The following TNNC2 variants were observed in gnomAD, a reference collection of about 807,000 sequenced individuals.
The protein encoded by TNNC2 is troponin C, skeletal muscle.
A neutral mutation model predicts 20.0 loss-of-function variants in TNNC2; 14 were observed. That is an observed-to-expected ratio of 0.70 (90% CI 0.46 to 1.09). The LOEUF (loss-of-function observed/expected upper bound fraction) is 1.09, where lower values mean the gene tolerates loss of function less well. TNNC2 is among the 50% of genes least tolerant of loss of function. The pLI is 0.00. For synonymous variants in TNNC2, 81 were observed against 77.3 expected (o/e 1.05, Z -0.25); for missense variants, 163 against 223.8 (o/e 0.73, Z 1.73).
upstream of TNNC2, among the ~76,000 whole-genome samples, chr20:45,830,320 A>G (rs1983077748): frequency 6.8e-6 from 1 of 147,544 alleles, no homozygotes; most frequent in Admixed American, 6.7e-5. Flanking sequence ...TGGGCGACAA[A>G]AGGAGACTGC....
At position 45,823,304 on chromosome 20, in the gene TNNC2, C is replaced by A. The variant is rs188125171; in HGVS notation, c.*44G>T. Reference sequence around the variant, plus strand: ...GGACCCGGCAGGGCGGAGTCTCCCACACCCTAGGGACACGCGATCTTGGTA... The same window carrying A: ...GGACCCGGCAGGGCGGAGTCTCCCAAACCCTAGGGACACGCGATCTTGGTA... On this transcript the variant is annotated 3_prime_UTR_variant, in exon 6 of 6. Coordinates refer to ENST00000372555, the MANE Select transcript of TNNC2 (RefSeq NM_003279.3). The surrounding 1 kb of genome is among the most constrained non-coding windows in gnomAD (Gnocchi z 4.6). The A allele has an allele frequency of 6.5e-7, 1 of 1,546,398 alleles. No homozygotes were observed. The highest frequency in any genetic ancestry group is 8.7e-7 in the Non-Finnish European group (1 of 1,144,098).
intron 1 of TNNC2, among the ~76,000 whole-genome samples, chr20:45,827,003 T>C (rs750343315): frequency 6.6e-5 from 10 of 152,228 alleles, no homozygotes; most frequent in African/African-American, 1.2e-4. Flanking sequence ...TGAATGACAC[T>C]GCTGGAAGTT....
chr20:45,824,343 G>T lies in TNNC2; in HGVS notation c.263C>A (p.Ala88Glu), dbSNP rs764481639. The stretch of plus-strand genomic sequence containing the variant: ...CAGCTCCTCCTCGCTCTTCCCTTTC[G>T]CGTCCTCTTTCATCTGGCGCACCAT... Reference protein sequence around the residue: ...VMMVRQMKEDAKGKSEEELAE... With the variant: ...VMMVRQMKEDEKGKSEEELAE... Residue 88 changes from alanine (A) to glutamate (E), a missense_variant, in exon 4 of 6, where the codon GCG (alanine) becomes GAG (glutamate). By Grantham distance (107) the Ala-to-Glu change is moderately radical (BLOSUM62 -1). Coordinates refer to ENST00000372555, the MANE Select transcript of TNNC2 (RefSeq NM_003279.3). 2 of 1,611,034 alleles carry T rather than the reference G, an allele frequency of 1.2e-6. No homozygotes were observed. Among genetic ancestry groups the T allele is most frequent in the Non-Finnish European group, 1.7e-6 (2 of 1,179,972 alleles).
rs749098799 is a variant in TNNC2, at chr20:45,824,511, C to A, written c.183G>T (p.Glu61Asp). The change falls in exon 3 of 6, where the codon GAG becomes GAT. Residue 61 changes from glutamate to aspartate, a missense_variant. Transcript: ENST00000372555. The part of the protein sequence containing the change: ...PTKEELDAII[E>D]EVDEDGSGTI... ...CCCGCTCACCGTCCTCATCCACCTC[C>A]TCGATGATGGCGTCCAGCTCCTCCT... is the stretch of plus-strand genomic sequence containing the variant. 6 of 1,613,748 alleles carry A rather than the reference C, an allele frequency of 3.7e-6. No individual in the cohort carries two copies. The highest frequency in any genetic ancestry group is 1.7e-5 in the Admixed American group (1 of 60,030).
upstream of TNNC2, among the ~76,000 whole-genome samples, chr20:45,827,787 G>C (rs1022264983): frequency 6.6e-6 from 1 of 152,146 alleles, no homozygotes; most frequent in Non-Finnish European, 1.5e-5. Flanking sequence ...CCCTCACAGA[G>C]AGACCATGGT....
chr20:45,830,590 C>A (rs1314885093), upstream of TNNC2, among the ~76,000 whole-genome samples: 1 of 152,220 alleles, frequency 6.6e-6, no homozygotes, highest in Admixed American at 6.5e-5. Flanking sequence ...ATGCTCACAA[C>A]CCATTCTATG....
upstream of TNNC2, among the ~76,000 whole-genome samples, chr20:45,827,633 T>C (rs577263821): frequency 1.3e-5 from 2 of 152,158 alleles, no homozygotes; most frequent in South Asian, 4.2e-4. Flanking sequence ...TGAGGCAGCA[T>C]GGTAAAATGG....
At chr20:45,828,121 T>C (rs1983019221), upstream of TNNC2, among the ~76,000 whole-genome samples, 1 of 152,018 alleles carries the variant, frequency 6.6e-6, no homozygotes, top group East Asian at 1.9e-4. Context: ...CTGCAGCCTC[T>C]ATCTCCTGGG....
Position 45,824,508 on chromosome 20 carries a change from C to T in TNNC2, c.186G>A (p.Glu62=). The T allele has an allele frequency of 6.2e-7, 1 of 1,613,720 alleles. No homozygotes were observed. The highest frequency in any genetic ancestry group is 8.5e-7 in the Non-Finnish European group (1 of 1,180,022). The change falls in exon 3 of 6, where the codon GAG becomes GAA. Residue 62 remains glutamate, a synonymous_variant. Transcript: ENST00000372555. ...ACACCCGCTCACCGTCCTCATCCAC[C>T]TCCTCGATGATGGCGTCCAGCTCCT... The part of the protein sequence containing the change: ...TKEELDAIIE[E]VDEDGSGTID...
In TNNC2 at chr20:45,824,114, A is replaced by C. The variant is rs745359680; in HGVS notation, c.328T>G (p.Tyr110Asp). The change falls in exon 5 of 6, where the codon TAC (tyrosine) becomes GAC (aspartate). Residue 110 changes from tyrosine (Y) to aspartate (D), a missense_variant. Tyr to Asp is a radical substitution (Grantham distance 160). Coordinates refer to ENST00000372555, the MANE Select transcript of TNNC2 (RefSeq NM_003279.3). ...FRIFDRNADG[Y>D]IDPEELAEIF... is the part of the protein sequence containing the mutation. ...TCAGCCAGCTCCTCCGGGTCGATGTAGCCGTCTGCATTCCTTCAGGTCCGA... is the reference window on the plus strand; with the variant it reads ...TCAGCCAGCTCCTCCGGGTCGATGTCGCCGTCTGCATTCCTTCAGGTCCGA... 1.2e-6 allele frequency: 2 copies of C among 1,613,726 alleles called. No individual in the cohort carries two copies. Among genetic ancestry groups the C allele is most frequent in the Admixed American group, 3.3e-5 (2 of 60,004 alleles).
Position 45,823,818 on chromosome 20 carries a change from G to T in TNNC2, c.451+173C>A, listed in dbSNP as rs955116956. On this transcript the variant is annotated intron_variant, in intron 5 of 5. Transcript: ENST00000372555. This position sits in a 1 kb window ranked among gnomAD's most constrained non-coding sequence, Gnocchi z 4.6. ...CTGCCTGGTCATTAATTGATAAACT[G>T]CACAGAGTCGTGGAGCGCTTCTATA... Among the ~76,000 whole-genome samples, 15 of 152,004 alleles carry T rather than the reference G, an allele frequency of 9.9e-5. No homozygotes were observed. The highest frequency in any genetic ancestry group is 3.4e-4 in the African/African-American group (14 of 41,354).
chr20:45,827,240 C>T lies in TNNC2; in HGVS notation c.3+6G>A. ...GTAAAGGCACAAAGTCCCCTCTTGT[C>T]CTTACCATGGTTGCTGGTGACCGGG... is the stretch of plus-strand genomic sequence containing the variant. On this transcript the variant is annotated splice_donor_region_variant and intron_variant, in intron 1 of 5. Coordinates refer to ENST00000372555, the MANE Select transcript of TNNC2 (RefSeq NM_003279.3). 2.5e-6 allele frequency: 4 copies of T among 1,614,162 alleles called. No individual in the cohort carries two copies. The highest frequency in any genetic ancestry group is 1.3e-5 in the African/African-American group (1 of 75,048).
In TNNC2 at chr20:45,823,827, C is replaced by T. The variant is rs944529682; in HGVS notation, c.451+164G>A. Among the ~76,000 whole-genome samples the T allele has an allele frequency of 6.6e-6, 1 of 152,050 alleles. No individual in the cohort carries two copies. Among genetic ancestry groups the T allele is most frequent in the South Asian group, 2.1e-4 (1 of 4,816 alleles). ...CATTAATTGATAAACTGCACAGAGTCGTGGAGCGCTTCTATACCTGCCCCC... is the reference window on the plus strand; with the variant it reads ...CATTAATTGATAAACTGCACAGAGTTGTGGAGCGCTTCTATACCTGCCCCC... On this transcript the variant is annotated intron_variant, in intron 5 of 5. Coordinates refer to ENST00000372555, the MANE Select transcript of TNNC2 (RefSeq NM_003279.3). The surrounding 1 kb of genome is among the most constrained non-coding windows in gnomAD (Gnocchi z 4.6).
chr20:45,824,419 G>C lies in TNNC2; in HGVS notation c.200-13C>G, dbSNP rs377312997. ...ATGGTGCCGCTGCCTGCGGGCAGCA[G>C]GTGGCAGACTGAGCCTGAGCCCAGC... is the stretch of plus-strand genomic sequence containing the variant. On this transcript the variant is annotated splice_polypyrimidine_tract_variant and intron_variant, in intron 3 of 5. Transcript: ENST00000372555. 4.3e-6 allele frequency: 7 copies of C among 1,610,858 alleles called. No individual in the cohort carries two copies. The highest frequency in any genetic ancestry group is 4.2e-6 in the Non-Finnish European group (5 of 1,180,002).
In TNNC2 at chr20:45,824,786, C is replaced by A; in HGVS notation, c.52G>T (p.Ala18Ser). ...ARSYLSEEMI[A>S]EFKAAFDMFD... ...CAGCCTGCCGCGCCTCACTCACCAG[C>A]GATCATCTCTTCGCTGAGGTAGGAC... Residue 18 changes from alanine to serine, a missense_variant, in exon 2 of 6, where the codon GCT (alanine) becomes TCT (serine). Physicochemically the swap from Ala to Ser is moderately conservative, Grantham distance 99 (BLOSUM62 1). Coordinates refer to ENST00000372555, the MANE Select transcript of TNNC2 (RefSeq NM_003279.3). 1 of 1,613,042 alleles carries A rather than the reference C, an allele frequency of 6.2e-7. No individual in the cohort carries two copies. Among genetic ancestry groups the A allele is most frequent in the East Asian group, 2.2e-5 (1 of 44,804 alleles).
chr20:45,827,295 A>G lies in TNNC2; in HGVS notation c.-47T>C. 3 of 1,612,894 alleles carry G rather than the reference A, an allele frequency of 1.9e-6. No individual in the cohort carries two copies. Among genetic ancestry groups the G allele is most frequent in the Non-Finnish European group, 2.5e-6 (3 of 1,179,650 alleles). On this transcript the variant is annotated 5_prime_UTR_variant, in exon 1 of 6. Coordinates refer to ENST00000372555, the MANE Select transcript of TNNC2 (RefSeq NM_003279.3). ...CTCTGTTGCAGGTCGCCTCCTTTGCACTCCACCACCCAAAGATGACCTGGC... is the reference window on the plus strand; with the variant it reads ...CTCTGTTGCAGGTCGCCTCCTTTGCGCTCCACCACCCAAAGATGACCTGGC...
At chr20:45,828,854 T>G (rs1983039741), upstream of TNNC2, among the ~76,000 whole-genome samples, 1 of 152,146 alleles carries the variant, frequency 6.6e-6, no homozygotes, top group Middle Eastern at 3.2e-3. Flanking sequence ...CCCCTATATA[T>G]AGACATTCCC....
rs1199458562 is a variant in TNNC2 at position 45,824,546 on chromosome 20, T to A, written c.148A>T (p.Thr50Ser). The A allele has an allele frequency of 6.2e-7, 1 of 1,613,470 alleles. No homozygotes were observed. The highest frequency in any genetic ancestry group is 8.5e-7 in the Non-Finnish European group (1 of 1,180,034). ...LGTVMRMLGQTPTKEELDAII... is the reference protein window; with the variant it reads ...LGTVMRMLGQSPTKEELDAII... ...GCGTCCAGCTCCTCCTTGGTGGGTG[T>A]CTGGCCCAGCATCCTCATCACCGTG... Residue 50 changes from threonine (T) to serine (S), a missense_variant, in exon 3 of 6, where the codon ACA becomes TCA. Physicochemically the swap from Thr to Ser is moderately conservative, Grantham distance 58. Coordinates refer to ENST00000372555, the MANE Select transcript of TNNC2 (RefSeq NM_003279.3).
upstream of TNNC2, among the ~76,000 whole-genome samples, chr20:45,829,146 A>G (rs1490465419): frequency 7.1e-6 from 1 of 140,750 alleles, no homozygotes; most frequent in Non-Finnish European, 1.5e-5. Context: ...ACGCCCAGCT[A>G]ATTTTTGTTT....
Sources: allele counts gnomAD v4.1 joint callset (sites outside exome capture counted in the v4.1 genomes callset), GRCh38; gene constraint gnomAD v4.1.1; non-coding constraint Gnocchi (gnomAD v3.1); transcripts MANE v1.5; gene names NCBI Gene and HGNC (gene_info 2026-07-23, HGNC 2026-07-21).